Variants in MYT1L observed in about 807,000 individuals in gnomAD.
MYT1L encodes the protein myelin transcription factor 1-like protein.
In MYT1L, 12 loss-of-function variants were observed where a neutral mutation model predicts 126.7. The observed-to-expected ratio is 0.09, with a 90% CI of 0.06 to 0.15. MYT1L has a LOEUF of 0.15. MYT1L is among the 10% of genes least tolerant of loss of function. The pLI is 1.00. For synonymous variants in MYT1L, 541 were observed against 604.2 expected, an observed-to-expected ratio of 0.90 and a Z score of 1.53; for missense variants, 979 against 1,585.2, an observed-to-expected ratio of 0.62 and a Z score of 6.49.
chr2:1,958,625 C>T (rs1443601991), intron 8 of MYT1L, among the ~76,000 whole-genome samples: 1 of 152,212 alleles, frequency 6.6e-6, no homozygotes, highest in Non-Finnish European at 1.5e-5. Flanking sequence ...CCGTCAGAGC[C>T]GCTCTGTGCT....
intron 18 of MYT1L, among the ~76,000 whole-genome samples, chr2:1,882,520 TAC>T (rs1383183838): frequency 6.6e-6 from 1 of 152,212 alleles, no homozygotes; most frequent in African/African-American, 2.4e-5. Flanking sequence ...GAGCTGAATT[TAC>T]ACAGAGGTCA....
At position 1,801,796 on chromosome 2, in the gene MYT1L, A is replaced by G. The variant is rs2034902449; in HGVS notation, c.3176T>C (p.Ile1059Thr). 1.3e-5 allele frequency: 20 copies of G among 1,565,258 alleles called. No individual in the cohort carries two copies. Among genetic ancestry groups the G allele is most frequent in the Non-Finnish European group, 1.7e-5 (19 of 1,138,592 alleles). ...LTIKQRASNG[I>T]ENDEEIKQLD... is the part of the protein sequence containing the mutation. ...CTGTTTGATTTCTTCATCATTTTCT[A>G]TACCTGTAATAATGAATATTAGTAT... The change falls in exon 23 of 25, where the codon ATA becomes ACA. Residue 1059 changes from isoleucine (I) to threonine (T), a missense_variant. Ile to Thr is a moderately conservative substitution (Grantham distance 89, BLOSUM62 -1). This residue lies in a region of MYT1L where 179 missense variants were observed against 398.6 expected (regional missense o/e 0.45). Transcript: ENST00000647738. The surrounding 1 kb of genome is among the most constrained non-coding windows in gnomAD (Gnocchi z 4.2).
chr2:2,236,494 G>GCACATCCCAACCCAACCCAGCACATCCC (rs2094310196), intron 2 of MYT1L, among the ~76,000 whole-genome samples: 1 of 43,174 alleles, frequency 2.3e-5, no homozygotes, highest in Non-Finnish European at 4.5e-5. Context: ...CAGCACATCC[G>GCACATCCCAACCCAACCCAGCACATCCC]AACCCAACCC....
chr2:2,020,915 A>T (rs1432256246), intron 4 of MYT1L, among the ~76,000 whole-genome samples: 3 of 152,164 alleles, frequency 2.0e-5, no homozygotes, highest in Non-Finnish European at 4.4e-5. Context: ...AGCTCCAGGG[A>T]CCCCAGCTGC....
intron 2 of MYT1L, among the ~76,000 whole-genome samples, chr2:2,266,932 C>T (rs2095144729): frequency 6.6e-6 from 1 of 152,180 alleles, no homozygotes; most frequent in African/African-American, 2.4e-5. Context: ...AAGCTCTTTC[C>T]TTTATAAATT....
chr2:2,260,598 G>A (rs986493297), intron 2 of MYT1L, among the ~76,000 whole-genome samples: 4 of 151,914 alleles, frequency 2.6e-5, no homozygotes, highest in Admixed American at 1.3e-4. Flanking sequence ...TCTTTCTTTC[G>A]ACCTTTCTGT....
At chr2:2,112,033 C>A (rs1183728383) in intron 3 of MYT1L, among the ~76,000 whole-genome samples, 1 of 152,202 alleles carries the variant, frequency 6.6e-6, no homozygotes, top group East Asian at 1.9e-4. Flanking sequence ...TGCCAGCTTC[C>A]TGAGGAGCGT....
intron 2 of MYT1L, among the ~76,000 whole-genome samples, chr2:2,244,294 T>C (rs983716107): frequency 4.6e-5 from 7 of 152,182 alleles, no homozygotes; most frequent in African/African-American, 1.7e-4. Flanking sequence ...TTTGTTTGTG[T>C]CCATTTGCAA....
In MYT1L at chr2:2,262,932, A is replaced by ATATATATATATATATATATATATATATAT. The variant is rs1553610292; in HGVS notation, c.-421+21471_-421+21472insATATATATATATATATATATATATATATA. On this transcript the variant is annotated intron_variant, in intron 2 of 24. Transcript: ENST00000647738. The stretch of plus-strand genomic sequence containing the variant: ...GAGGCACAAATATATATATATATAT[A>ATATATATATATATATATATATATATATAT]ACCTGTGATATATATATATATATCA... Among the ~76,000 whole-genome samples the ATATATATATATATATATATATATATATAT allele has an allele frequency of 2.4e-4, 10 of 41,226 alleles. No individual in the cohort carries two copies. In the East Asian group the frequency reaches 8.2e-3, roughly 34 times the overall value. The allele number at this position is 41,226 out of a possible 152,430, so 27.0% of individuals were successfully genotyped here.
At position 1,917,379 on chromosome 2, in the gene MYT1L, C is replaced by A; in HGVS notation, c.1484-40G>T. The A allele has an allele frequency of 1.3e-6, 2 of 1,558,266 alleles. No individual in the cohort carries two copies. The highest frequency in any genetic ancestry group is 1.7e-6 in the Non-Finnish European group (2 of 1,146,578). The stretch of plus-strand genomic sequence containing the variant: ...AGGTGCCAAGAGAATAAATGTTTAC[C>A]AATCAAAGACAAATGTGATTATTTC... On this transcript the variant is annotated intron_variant, in intron 10 of 24. Coordinates refer to ENST00000647738, the MANE Select transcript of MYT1L (RefSeq NM_001303052.2). The surrounding 1 kb of genome is among the most constrained non-coding windows in gnomAD (Gnocchi z 5.9).
Position 2,174,749 on chromosome 2 carries a change from A to G in MYT1L, c.-420-1761T>C, listed in dbSNP as rs1396599502. Among the ~76,000 whole-genome samples, 6 of 152,106 alleles carry G rather than the reference A, an allele frequency of 3.9e-5. No homozygotes were observed. In the East Asian group the frequency reaches 1.2e-3, roughly 29 times the overall value. The stretch of plus-strand genomic sequence containing the variant: ...TGACATAATATTATGATTTAAAAAT[A>G]TAACTATTCATCAAATGTTATTGAT... On this transcript the variant is annotated intron_variant, in intron 2 of 24. Coordinates refer to ENST00000647738, the MANE Select transcript of MYT1L (RefSeq NM_001303052.2).
At chr2:2,010,659 A>G (rs1489458059) in intron 4 of MYT1L, among the ~76,000 whole-genome samples, 2 of 152,178 alleles carry the variant, frequency 1.3e-5, no homozygotes, top group Non-Finnish European at 2.9e-5. Context: ...GATTACATCC[A>G]TGATCTTCTA....
chr2:1,837,944 C>T (rs981438617), intron 21 of MYT1L, among the ~76,000 whole-genome samples: 1 of 150,352 alleles, frequency 6.7e-6, no homozygotes, highest in Non-Finnish European at 1.5e-5. Context: ...CAGAGTGTTG[C>T]TCTGTCACCC....
chr2:2,014,487 G>A (rs1223024876), intron 4 of MYT1L, among the ~76,000 whole-genome samples: 1 of 152,170 alleles, frequency 6.6e-6, no homozygotes, highest in Non-Finnish European at 1.5e-5. Context: ...AAAGGAGTGG[G>A]TGGAAGGTCG....
At chr2:2,033,861 G>A (rs1382703564) in intron 4 of MYT1L, among the ~76,000 whole-genome samples, 1 of 152,202 alleles carries the variant, frequency 6.6e-6, no homozygotes, top group Non-Finnish European at 1.5e-5. Flanking sequence ...CTTCTGTGGT[G>A]GGGCTGCGAT....
chr2:1,986,442 G>A (rs2061027219), intron 5 of MYT1L, among the ~76,000 whole-genome samples: 1 of 152,166 alleles, frequency 6.6e-6, no homozygotes, highest in African/African-American at 2.4e-5. Flanking sequence ...CCTGGCCCAA[G>A]AAGGGTTTCC....
chr2:2,013,031 A>G (rs1558737687), intron 4 of MYT1L, among the ~76,000 whole-genome samples: 1 of 152,234 alleles, frequency 6.6e-6, no homozygotes, highest in East Asian at 1.9e-4. Flanking sequence ...CCATGGTTTC[A>G]GGTGCCCACG....
chr2:2,284,827 C>G (rs1321156762), intron 1 of MYT1L, among the ~76,000 whole-genome samples: 2 of 152,042 alleles, frequency 1.3e-5, no homozygotes. Flanking sequence ...CCTCAGCCTC[C>G]CAAGTAGCTG....
intron 10 of MYT1L, among the ~76,000 whole-genome samples, chr2:1,919,288 C>A (rs1380230406): frequency 6.6e-6 from 1 of 152,140 alleles, no homozygotes; most frequent in Admixed American, 6.5e-5. Context: ...ATGCTATTTG[C>A]CTTCACCGTT....
Sources: allele counts gnomAD v4.1 joint callset (sites outside exome capture counted in the v4.1 genomes callset), GRCh38; gene constraint gnomAD v4.1.1; regional missense constraint gnomAD v4.1.1; non-coding constraint Gnocchi (gnomAD v3.1); transcripts MANE v1.5; gene names NCBI Gene and HGNC (gene_info 2026-07-23, HGNC 2026-07-21).